The following TRAPPC9 variants were observed in gnomAD, a reference collection of about 807,000 sequenced individuals.
TRAPPC9 encodes trafficking protein particle complex subunit 9, also known as IKK2 binding protein.
TRAPPC9 carries 83 observed loss-of-function variants against 124.0 expected under a neutral mutation model. That is an observed-to-expected ratio of 0.67 (90% CI 0.56 to 0.80). The LOEUF is 0.80. Among genes scored for constraint, TRAPPC9 ranks in the 30% least tolerant of loss-of-function variants. The pLI is 0.00. For missense variants in TRAPPC9, 1,302 were observed against 1,508.3 expected (o/e 0.86, Z 2.27); for synonymous variants, 638 against 617.5 (o/e 1.03, Z -0.49).
At chr8:140,243,574 T>TA (rs2063913648) in intron 16 of TRAPPC9, among the ~76,000 whole-genome samples, 1 of 152,202 alleles carries the variant, frequency 6.6e-6, no homozygotes, top group Non-Finnish European at 1.5e-5. Context: ...ATTCATGGGA[T>TA]AAAATGGGCA....
chr8:140,233,957 T>C (rs1563868565), intron 16 of TRAPPC9, among the ~76,000 whole-genome samples: 1 of 152,102 alleles, frequency 6.6e-6, no homozygotes, highest in Non-Finnish European at 1.5e-5. Context: ...ATTTGTGAAA[T>C]TGCTTATCCC....
intron 17 of TRAPPC9, among the ~76,000 whole-genome samples, chr8:140,164,474 T>A (rs986337748): frequency 1.3e-5 from 2 of 152,374 alleles, no homozygotes; most frequent in East Asian, 3.9e-4. Flanking sequence ...CAGGCTCTTC[T>A]GTGAACAGCT....
At chr8:140,261,717 T>G (rs2064419175) in intron 15 of TRAPPC9, among the ~76,000 whole-genome samples, 1 of 152,200 alleles carries the variant, frequency 6.6e-6, no homozygotes, top group Non-Finnish European at 1.5e-5. Flanking sequence ...ATGGCTTTTC[T>G]TTTCTTAAAC....
intron 21 of TRAPPC9, among the ~76,000 whole-genome samples, chr8:139,878,234 A>G (rs1829456281): frequency 6.6e-6 from 1 of 152,252 alleles, no homozygotes; most frequent in Non-Finnish European, 1.5e-5. Context: ...GGAAATGCTT[A>G]TACTTTTGTC....
chr8:140,113,111 T>G (rs2130524869), intron 17 of TRAPPC9, among the ~76,000 whole-genome samples: 1 of 152,320 alleles, frequency 6.6e-6, no homozygotes, highest in East Asian at 1.9e-4. Context: ...TGGAAATATG[T>G]CTAGTATTAT....
intron 21 of TRAPPC9, among the ~76,000 whole-genome samples, chr8:139,880,726 A>T (rs1350524142): frequency 6.6e-6 from 1 of 152,310 alleles, no homozygotes; most frequent in East Asian, 1.9e-4. Context: ...TAGTCAGAAA[A>T]TCGAATCAAA....
intron 17 of TRAPPC9, among the ~76,000 whole-genome samples, chr8:140,162,768 G>A (rs2061772832): frequency 6.6e-6 from 1 of 152,120 alleles, no homozygotes; most frequent in Admixed American, 6.6e-5. Flanking sequence ...CACAAGAATT[G>A]CTTCAGTCCA....
chr8:139,896,698 C>T (rs1367054996), intron 20 of TRAPPC9, among the ~76,000 whole-genome samples: 1 of 152,196 alleles, frequency 6.6e-6, no homozygotes, highest in Non-Finnish European at 1.5e-5. Flanking sequence ...AGCCATGAGT[C>T]CCACTGGACA....
At chr8:140,417,910 A>G (rs915344186) in intron 5 of TRAPPC9, among the ~76,000 whole-genome samples, 1 of 152,234 alleles carries the variant, frequency 6.6e-6, no homozygotes, top group Non-Finnish European at 1.5e-5. Flanking sequence ...TGTCCTTTGC[A>G]GGGACATGGA....
intron 5 of TRAPPC9, among the ~76,000 whole-genome samples, chr8:140,426,214 T>A (rs964846946): frequency 6.6e-6 from 1 of 152,230 alleles, no homozygotes; most frequent in East Asian, 1.9e-4. Context: ...TTTCTTTCCC[T>A]GTTAAGAACA....
chr8:140,203,769 T>A (rs1016867127), intron 17 of TRAPPC9, among the ~76,000 whole-genome samples: 7 of 152,218 alleles, frequency 4.6e-5, no homozygotes, highest in Admixed American at 1.3e-4. Flanking sequence ...TGGAACATCA[T>A]AATCATCTAA....
chr8:139,932,463 G>A, intron 19 of TRAPPC9: 1 of 457,684 alleles, frequency 2.2e-6, no homozygotes, highest in East Asian at 6.9e-5. Context: ...GACTCCTGGG[G>A]TAGAAATGTC....
intron 17 of TRAPPC9, among the ~76,000 whole-genome samples, chr8:140,093,740 C>A (rs1844734611): frequency 6.6e-6 from 1 of 151,928 alleles, no homozygotes; most frequent in African/African-American, 2.4e-5. Flanking sequence ...AGAGGCCAAA[C>A]CTGACCCCTC....
At chr8:140,079,300 GA>G (rs1843681107) in intron 17 of TRAPPC9, among the ~76,000 whole-genome samples, 1 of 152,184 alleles carries the variant, frequency 6.6e-6, no homozygotes, top group Admixed American at 6.5e-5. Flanking sequence ...CAGATGGCCA[GA>G]AGCAACAAAG....
chr8:140,215,671 A>C (rs1413329339), intron 17 of TRAPPC9, among the ~76,000 whole-genome samples: 5 of 151,826 alleles, frequency 3.3e-5, no homozygotes, highest in Admixed American at 1.3e-4. Flanking sequence ...GGAAAAGACA[A>C]AGATTCATGC....
intron 5 of TRAPPC9, among the ~76,000 whole-genome samples, chr8:140,413,721 T>C (rs1260499368): frequency 7.1e-6 from 1 of 141,100 alleles, no homozygotes; most frequent in East Asian, 2.2e-4. Context: ...CCATATGTTC[T>C]CATTGTTCAA....
chr8:140,323,046 G>A (rs1005898432), intron 9 of TRAPPC9, among the ~76,000 whole-genome samples: 2 of 152,176 alleles, frequency 1.3e-5, no homozygotes, highest in Non-Finnish European at 2.9e-5. Context: ...AAAGACCAAG[G>A]CATGATTAGA....
At chr8:140,028,712 TCGAG>T (rs1840311488) in intron 17 of TRAPPC9, among the ~76,000 whole-genome samples, 1 of 152,232 alleles carries the variant, frequency 6.6e-6, no homozygotes, top group South Asian at 2.1e-4. Flanking sequence ...CTTGGGGCAC[TCGAG>T]TCTGGTAAAA....
At chr8:140,324,241 A>G (rs962748244) in intron 9 of TRAPPC9, among the ~76,000 whole-genome samples, 4 of 152,246 alleles carry the variant, frequency 2.6e-5, no homozygotes, top group African/African-American at 9.6e-5. Context: ...AGTAATAAGC[A>G]TAATAAACCT....
Sources: gnomAD v4.1 joint callset for allele counts (sites outside exome capture counted in the v4.1 genomes callset) on GRCh38, gnomAD v4.1.1 for gene constraint, MANE v1.5 for transcripts, NCBI Gene and HGNC (gene_info 2026-07-23, HGNC 2026-07-21) for gene names.